The following EXOC6B variants were observed in gnomAD, a reference collection of about 807,000 sequenced individuals.
The protein encoded by EXOC6B is exocyst complex component 6B.
In EXOC6B, 54 loss-of-function variants were observed where a neutral mutation model predicts 113.5. The observed-to-expected ratio is 0.48, with a 90% CI of 0.38 to 0.60. EXOC6B has a LOEUF of 0.60. Ranked by LOEUF, EXOC6B falls within the 20% of genes least tolerant of loss-of-function variation. EXOC6B has a pLI of 0.00. For synonymous variants in EXOC6B, 357 were observed against 339.0 expected, an observed-to-expected ratio of 1.05 and a Z score of -0.58; for missense variants, 797 against 977.5, an observed-to-expected ratio of 0.82 and a Z score of 2.46.
At chr2:72,582,858 G>A (rs545349552) in intron 6 of EXOC6B, among the ~76,000 whole-genome samples, 1 of 152,194 alleles carries the variant, frequency 6.6e-6, no homozygotes, top group Non-Finnish European at 1.5e-5. Flanking sequence ...TCCCCCAATT[G>A]GCCAGGCTGA....
At chr2:72,292,182 TG>T (rs1685837453) in intron 20 of EXOC6B, among the ~76,000 whole-genome samples, 1 of 150,712 alleles carries the variant, frequency 6.6e-6, no homozygotes, top group Admixed American at 6.6e-5. Context: ...AGTGTGTGTG[TG>T]TGTGTGTGTG....
intron 20 of EXOC6B, among the ~76,000 whole-genome samples, chr2:72,320,749 G>GA (rs769288835): frequency 5.9e-5 from 9 of 152,022 alleles, no homozygotes; most frequent in Non-Finnish European, 1.2e-4. Context: ...AAAATCAGAA[G>GA]AAAAAACTTA....
At chr2:72,819,706 A>G (rs933841214) in intron 1 of EXOC6B, among the ~76,000 whole-genome samples, 15 of 152,180 alleles carry the variant, frequency 9.9e-5, no homozygotes, top group African/African-American at 3.1e-4. Context: ...TGAGTGACCA[A>G]TGCCTAGCAG....
chr2:72,727,892 A>C (rs1336360697), intron 5 of EXOC6B, among the ~76,000 whole-genome samples: 3 of 152,166 alleles, frequency 2.0e-5, no homozygotes, highest in Non-Finnish European at 4.4e-5. Context: ...CAAAGTATAT[A>C]ATTCCTATAA....
In EXOC6B at chr2:72,414,947, T is replaced by C. The variant is rs563662680; in HGVS notation, c.1981-35077A>G. 2.0e-5 allele frequency among the ~76,000 whole-genome samples: 3 copies of C among 152,300 alleles called. No individual in the cohort carries two copies. In the South Asian group the frequency reaches 6.2e-4, roughly 32 times the overall value. On this transcript the variant is annotated intron_variant, in intron 18 of 21. Coordinates refer to ENST00000272427, the MANE Select transcript of EXOC6B (RefSeq NM_015189.3). ...TTTTGGTAGAGACAAGGTTTCGCCA[T>C]GTTGCCTAGGGTGGTCTCAAACTAA... is the stretch of plus-strand genomic sequence containing the variant.
chr2:72,642,047 A>C (rs1269300890), intron 6 of EXOC6B, among the ~76,000 whole-genome samples: 1 of 152,224 alleles, frequency 6.6e-6, no homozygotes, highest in African/African-American at 2.4e-5. Context: ...ATCAACATCA[A>C]CAAAAAGGAC....
At chr2:72,618,138 G>T (rs939686257) in intron 6 of EXOC6B, among the ~76,000 whole-genome samples, 2 of 152,082 alleles carry the variant, frequency 1.3e-5, no homozygotes, top group African/African-American at 4.8e-5. Context: ...GGAGATAGAG[G>T]GGGGTGGATC....
chr2:72,770,031 C>T (rs1304063245), intron 1 of EXOC6B, among the ~76,000 whole-genome samples: 1 of 151,954 alleles, frequency 6.6e-6, no homozygotes, highest in Non-Finnish European at 1.5e-5. Flanking sequence ...GTCTATAGAG[C>T]TAAAATTTGA....
chr2:72,339,802 G>C (rs1035461426), intron 19 of EXOC6B, among the ~76,000 whole-genome samples: 1 of 152,012 alleles, frequency 6.6e-6, no homozygotes, highest in South Asian at 2.1e-4. Flanking sequence ...CAAAATAGCA[G>C]GAAAGAAGGT....
At chr2:72,437,631 C>T (rs1418961662) in intron 18 of EXOC6B, among the ~76,000 whole-genome samples, 3 of 152,182 alleles carry the variant, frequency 2.0e-5, no homozygotes, top group Non-Finnish European at 4.4e-5. Flanking sequence ...AGTCTGGCTA[C>T]AGTGGCTTTG....
intron 20 of EXOC6B, among the ~76,000 whole-genome samples, chr2:72,313,048 G>T (rs1461031448): frequency 1.3e-5 from 2 of 151,930 alleles, no homozygotes; most frequent in Non-Finnish European, 1.5e-5. Context: ...CTCGATGAGG[G>T]GGATAAAAAT....
chr2:72,613,582 T>C (rs1396265110), intron 6 of EXOC6B, among the ~76,000 whole-genome samples: 7 of 152,134 alleles, frequency 4.6e-5, no homozygotes, highest in Non-Finnish European at 7.4e-5. Flanking sequence ...AGGAATGGTT[T>C]GCCATTTTTT....
chr2:72,821,365 C>G (rs1302633444), intron 1 of EXOC6B, among the ~76,000 whole-genome samples: 1 of 152,090 alleles, frequency 6.6e-6, no homozygotes, highest in Non-Finnish European at 1.5e-5. Flanking sequence ...TGATACATTG[C>G]TACAGGAATG....
intron 18 of EXOC6B, among the ~76,000 whole-genome samples, chr2:72,453,618 C>T (rs923797070): frequency 1.3e-5 from 2 of 152,144 alleles, no homozygotes; most frequent in African/African-American, 4.8e-5. Context: ...TTCATAAATA[C>T]ATAACATTTC....
rs201593398 is a variant in EXOC6B, at chr2:72,240,428, G to GA, written c.2197-56242dup. Among the ~76,000 whole-genome samples the GA allele has an allele frequency of 4.9e-3, 734 of 150,856 alleles. 8 individuals carry two copies. The highest frequency in any genetic ancestry group is 0.016 in the African/African-American group (675 of 41,180). ...AAACCATTCTAATTTAATACTTACG[G>GA]AAAAAAAAATAATAAAGCAACACTA... On this transcript the variant is annotated intron_variant, in intron 20 of 21. Transcript: ENST00000272427.
chr2:72,447,628 A>G (rs1696665880), intron 18 of EXOC6B, among the ~76,000 whole-genome samples: 1 of 152,204 alleles, frequency 6.6e-6, no homozygotes, highest in Admixed American at 6.5e-5. Flanking sequence ...CTAATTTCAG[A>G]AAATGTATTT....
At chr2:72,305,761 C>T (rs1227031050) in intron 20 of EXOC6B, among the ~76,000 whole-genome samples, 1 of 151,912 alleles carries the variant, frequency 6.6e-6, no homozygotes, top group Non-Finnish European at 1.5e-5. Flanking sequence ...CTCTAATAAA[C>T]AAAAAATTTC....
intron 20 of EXOC6B, among the ~76,000 whole-genome samples, chr2:72,191,222 T>A (rs1295568654): frequency 6.6e-6 from 1 of 152,246 alleles, no homozygotes; most frequent in African/African-American, 2.4e-5. Flanking sequence ...TAGGATACTT[T>A]TTTTTCTTCC....
chr2:72,547,517 C>A (rs1387588663), intron 8 of EXOC6B, among the ~76,000 whole-genome samples: 2 of 152,142 alleles, frequency 1.3e-5, no homozygotes, highest in African/African-American at 2.4e-5. Flanking sequence ...ACAAGACTCA[C>A]AAACTAAGCT....
Sources: gnomAD v4.1 joint callset for allele counts (sites outside exome capture counted in the v4.1 genomes callset) on GRCh38, gnomAD v4.1.1 for gene constraint, MANE v1.5 for transcripts, NCBI Gene and HGNC (gene_info 2026-07-23, HGNC 2026-07-21) for gene names.